LIPK: variants seen among roughly 807,000 people sequenced by gnomAD.
LIPK encodes the protein lipase family member K, also known as lipase member K.
Under a neutral mutation model 48.6 loss-of-function variants are expected in LIPK, and 32 were observed. The ratio of observed to expected loss-of-function variants is 0.66; its 90% CI spans 0.50 to 0.88. The LOEUF (loss-of-function observed/expected upper bound fraction) is 0.88, where lower values mean the gene tolerates loss of function less well. LIPK is among the 40% of genes least tolerant of loss of function. LIPK has a pLI of 0.00. For missense variants in LIPK, 507 were observed against 478.5 expected, an observed-to-expected ratio of 1.06 and a Z score of -0.56; for synonymous variants, 164 against 157.4, an observed-to-expected ratio of 1.04 and a Z score of -0.32.
intron 1 of LIPK, among the ~76,000 whole-genome samples, chr10:88,716,055 A>G (rs1842111139): frequency 6.6e-6 from 1 of 152,148 alleles, no homozygotes; most frequent in Non-Finnish European, 1.5e-5. Flanking sequence ...TGGATATTTA[A>G]TATGATAAAA....
At chr10:88,739,920 T>A in intron 7 of LIPK, 76 bp from the exon 8 acceptor site, 2 of 870,258 alleles carry the variant, frequency 2.3e-6, no homozygotes, top group South Asian at 3.7e-5. Context: ...GAAGAAACTT[T>A]TTAAATTTCT....
chr10:88,725,380 T>A (rs6586151), intron 2 of LIPK, among the ~76,000 whole-genome samples: 1 of 152,174 alleles, frequency 6.6e-6, no homozygotes, highest in Non-Finnish European at 1.5e-5. Context: ...AATCCTTCTA[T>A]AATGATAAGA....
chr10:88,743,611 G>C (rs1234627696), intron 9 of LIPK, among the ~76,000 whole-genome samples: 1 of 152,032 alleles, frequency 6.6e-6, no homozygotes, highest in African/African-American at 2.4e-5. Flanking sequence ...GGCTCAAGAT[G>C]GTCAACTGGA....
chr10:88,728,490 T>G, intron 3 of LIPK: 1 of 236,382 alleles, frequency 4.2e-6, no homozygotes, highest in South Asian at 4.8e-5. Flanking sequence ...CAGAGCAGCG[T>G]GGGGAGTCCG....
Position 88,726,818 on chromosome 10 carries a change from T to A in LIPK, c.129T>A (p.Gly43=), listed in dbSNP as rs766072006. The part of the protein sequence containing the change: ...MNISQIISYW[G]YPYEEYDVTT... ...AGAGCCAGATTATTTCTTACTGGGGTTATCCTTATGAAGAGTATGATGTTA... is the reference window on the plus strand; with the variant it reads ...AGAGCCAGATTATTTCTTACTGGGGATATCCTTATGAAGAGTATGATGTTA... Residue 43 remains glycine (G), a synonymous_variant, in exon 3 of 10, where the codon GGT becomes GGA. Coordinates refer to ENST00000404190, the MANE Select transcript of LIPK (RefSeq NM_001080518.2). The A allele has an allele frequency of 6.3e-7, 1 of 1,592,408 alleles. No homozygotes were observed. The highest frequency in any genetic ancestry group is 1.7e-5 in the Admixed American group (1 of 59,566).
chr10:88,712,249 T>C (rs1842040054), intron 1 of LIPK, among the ~76,000 whole-genome samples: 1 of 152,232 alleles, frequency 6.6e-6, no homozygotes, highest in Non-Finnish European at 1.5e-5. Context: ...AGTGCAATGA[T>C]GACTCTGAAC....
intron 8 of LIPK, among the ~76,000 whole-genome samples, chr10:88,740,380 T>C (rs1216550291): frequency 1.3e-5 from 2 of 152,216 alleles, no homozygotes; most frequent in Non-Finnish European, 2.9e-5. Flanking sequence ...GAACTTTATA[T>C]AAAATGATGC....
At chr10:88,713,906 T>C (rs1277978380) in intron 1 of LIPK, among the ~76,000 whole-genome samples, 1 of 151,708 alleles carries the variant, frequency 6.6e-6, no homozygotes, top group Non-Finnish European at 1.5e-5. Context: ...GCCAAGACCA[T>C]GCCATTGCAC....
At chr10:88,706,396 G>C (rs1312657565) in intron 1 of LIPK, among the ~76,000 whole-genome samples, 76 bp downstream of exon 1, 3 of 152,152 alleles carry the variant, frequency 2.0e-5, no homozygotes, top group African/African-American at 4.8e-5. Flanking sequence ...CAGAGGGACA[G>C]AACTTTACAT....
Position 88,726,817 on chromosome 10 carries a change from G to C in LIPK, c.128G>C (p.Gly43Ala). 6.3e-7 allele frequency: 1 copy of C among 1,591,104 alleles called. No homozygotes were observed. Among genetic ancestry groups the C allele is most frequent in the Non-Finnish European group, 8.6e-7 (1 of 1,160,770 alleles). Residue 43 changes from glycine (G) to alanine (A), a missense_variant, in exon 3 of 10, where the codon GGT becomes GCT. Transcript: ENST00000404190. The stretch of plus-strand genomic sequence containing the variant: ...TAGAGCCAGATTATTTCTTACTGGG[G>C]TTATCCTTATGAAGAGTATGATGTT... Reference protein sequence around the residue: ...MNISQIISYWGYPYEEYDVTT... With the variant: ...MNISQIISYWAYPYEEYDVTT...
chr10:88,750,616 A>G (rs1842847216), intron 9 of LIPK, among the ~76,000 whole-genome samples: 1 of 152,164 alleles, frequency 6.6e-6, no homozygotes, highest in African/African-American at 2.4e-5. Context: ...ACATGGACAC[A>G]AAGAGGGGAA....
At position 88,714,772 on chromosome 10, in the gene LIPK, A is replaced by G. The variant is rs137861896; in HGVS notation, c.-12+8452A>G. Among the ~76,000 whole-genome samples the G allele has an allele frequency of 1.0e-3, 153 of 151,824 alleles. 2 individuals carry two copies. Among genetic ancestry groups the G allele is most frequent in the South Asian group, 3.9e-3 (19 of 4,820 alleles). ...CATATTGTAGCTCTATTTTTCCTTGATTAGTTTTGTTAGGGTTACTTGATT... is the reference window on the plus strand; with the variant it reads ...CATATTGTAGCTCTATTTTTCCTTGGTTAGTTTTGTTAGGGTTACTTGATT... On this transcript the variant is annotated intron_variant, in intron 1 of 9. Transcript: ENST00000404190.
chr10:88,714,794 G>A (rs190258043), intron 1 of LIPK, among the ~76,000 whole-genome samples: 1 of 151,872 alleles, frequency 6.6e-6, no homozygotes, highest in Non-Finnish European at 1.5e-5. Context: ...AGGGTTACTT[G>A]ATTTTTATTA....
intron 1 of LIPK, among the ~76,000 whole-genome samples, chr10:88,716,724 A>G (rs1842126776): frequency 6.6e-6 from 1 of 152,220 alleles, no homozygotes; most frequent in Non-Finnish European, 1.5e-5. Flanking sequence ...AATTGAAATA[A>G]AAGAGGAATT....
At chr10:88,716,502 C>T (rs762738562) in intron 1 of LIPK, among the ~76,000 whole-genome samples, 2 of 151,440 alleles carry the variant, frequency 1.3e-5, no homozygotes, top group Non-Finnish European at 2.9e-5. Context: ...GGACTACAGG[C>T]GTGTGCCACC....
chr10:88,724,945 C>T (rs944459229), intron 2 of LIPK, among the ~76,000 whole-genome samples: 2 of 152,108 alleles, frequency 1.3e-5, no homozygotes. Context: ...GAGTTTTCCC[C>T]GAGATTTTTG....
rs553969961 is a variant in LIPK, at chr10:88,712,834, A to G, written c.-12+6514A>G. 5.3e-5 allele frequency among the ~76,000 whole-genome samples: 8 copies of G among 152,334 alleles called. No homozygotes were observed. In the South Asian group the frequency reaches 1.0e-3, roughly 20 times the overall value. On this transcript the variant is annotated intron_variant, in intron 1 of 9. Coordinates refer to ENST00000404190, the MANE Select transcript of LIPK (RefSeq NM_001080518.2). Reference sequence around the variant, plus strand: ...AGAGAGAAAGAGAAAGCTTTGAAATAGTGCATTGCAATAGTCCATAATTTC... The same window carrying G: ...AGAGAGAAAGAGAAAGCTTTGAAATGGTGCATTGCAATAGTCCATAATTTC...
intron 3 of LIPK, chr10:88,728,583 C>G (rs1842395338): frequency 2.2e-6 from 1 of 458,828 alleles, no homozygotes; most frequent in Non-Finnish European, 4.3e-6. Context: ...GTAGCTTCAC[C>G]GGAACCTGGA....
At chr10:88,727,479 A>G (rs1193734565) in intron 3 of LIPK, 2 of 162,126 alleles carry the variant, frequency 1.2e-5, no homozygotes, top group Non-Finnish European at 2.7e-5. Context: ...CCACCTAGCA[A>G]CAGCATCTCA....
Sources: allele counts gnomAD v4.1 joint callset (sites outside exome capture counted in the v4.1 genomes callset), GRCh38; gene constraint gnomAD v4.1.1; transcripts MANE v1.5; gene names NCBI Gene and HGNC (gene_info 2026-07-23, HGNC 2026-07-21).